The following PTPRK variants were observed in gnomAD, a reference collection of about 807,000 sequenced individuals.
PTPRK encodes protein tyrosine phosphatase receptor type K.
In PTPRK, 75 loss-of-function variants were observed where a neutral mutation model predicts 178.0. That is an observed-to-expected ratio of 0.42 (90% confidence interval 0.35 to 0.51). PTPRK has a LOEUF of 0.51. Ranked by LOEUF, PTPRK falls within the 20% of genes least tolerant of loss-of-function variation. The pLI is 0.02. For missense variants in PTPRK, 1,441 were observed against 1,797.8 expected (o/e 0.80, Z 3.59); for synonymous variants, 637 against 620.6 (o/e 1.03, Z -0.39).
At chr6:128,375,472 G>T (rs917419587) in intron 2 of PTPRK, among the ~76,000 whole-genome samples, 5 of 151,748 alleles carry the variant, frequency 3.3e-5, no homozygotes, top group Non-Finnish European at 7.4e-5. Context: ...GGAAAGACCT[G>T]CCCTATGATT....
rs941559452 is a variant in PTPRK, at chr6:128,195,348, C to A, written c.869-10623G>T. Among the ~76,000 whole-genome samples, 3 of 151,960 alleles carry A rather than the reference C, an allele frequency of 2.0e-5. No individual in the cohort carries two copies. In the East Asian group the frequency reaches 5.8e-4, roughly 29 times the overall value. ...ATCATTTCAAGTCAATACCAAATAA[C>A]GAAGTCAATATTAAGCACATGAAAC... On this transcript the variant is annotated intron_variant, in intron 6 of 29. Transcript: ENST00000368226.
chr6:128,464,644 T>TAC (rs1255950931), intron 1 of PTPRK, among the ~76,000 whole-genome samples: 20 of 84,366 alleles, frequency 2.4e-4, no homozygotes, highest in Non-Finnish European at 4.6e-4. Flanking sequence ...TACACATATA[T>TAC]ATATATATAT....
At chr6:128,011,676 T>C (rs1349554263) in intron 13 of PTPRK, among the ~76,000 whole-genome samples, 1 of 151,046 alleles carries the variant, frequency 6.6e-6, no homozygotes, top group Non-Finnish European at 1.5e-5. Context: ...GACATGAGGG[T>C]GATGGGTAAA....
intron 6 of PTPRK, among the ~76,000 whole-genome samples, chr6:128,216,482 C>A (rs2128269740): frequency 6.6e-6 from 1 of 151,420 alleles, no homozygotes; most frequent in South Asian, 2.1e-4. Context: ...GGGCAGTAAG[C>A]CGAGATCCTG....
chr6:128,362,449 C>T (rs1438257724), intron 2 of PTPRK, among the ~76,000 whole-genome samples: 3 of 152,140 alleles, frequency 2.0e-5, no homozygotes, highest in Non-Finnish European at 4.4e-5. Context: ...GTGTACTCAA[C>T]TTGTCTTTAA....
chr6:128,012,311 A>G (rs1254709226), intron 13 of PTPRK, among the ~76,000 whole-genome samples: 1 of 151,240 alleles, frequency 6.6e-6, no homozygotes, highest in Non-Finnish European at 1.5e-5. Flanking sequence ...TAAATATCCT[A>G]TTTAAAATCA....
chr6:127,997,980 C>T (rs535745568), intron 16 of PTPRK, among the ~76,000 whole-genome samples: 1 of 152,196 alleles, frequency 6.6e-6, no homozygotes, highest in South Asian at 2.1e-4. Flanking sequence ...GGGTAGTGGA[C>T]TGGCTTCCTT....
At chr6:128,449,982 C>T (rs1026241499) in intron 1 of PTPRK, among the ~76,000 whole-genome samples, 10 of 151,680 alleles carry the variant, frequency 6.6e-5, no homozygotes, top group African/African-American at 2.4e-4. Context: ...ATGGCACACG[C>T]CTGTTATTTC....
intron 13 of PTPRK, among the ~76,000 whole-genome samples, chr6:128,023,237 C>G (rs1362115057): frequency 2.0e-5 from 3 of 152,154 alleles, no homozygotes; most frequent in Non-Finnish European, 4.4e-5. Flanking sequence ...CAAATCTTAG[C>G]TGACGAGTGA....
intron 5 of PTPRK, among the ~76,000 whole-genome samples, chr6:128,221,902 C>G (rs932769819): frequency 6.6e-6 from 1 of 152,162 alleles, no homozygotes; most frequent in East Asian, 1.9e-4. Flanking sequence ...ATTATACATG[C>G]AAACCTCAGA....
At chr6:128,387,387 T>A (rs1838895876) in intron 2 of PTPRK, among the ~76,000 whole-genome samples, 1 of 152,194 alleles carries the variant, frequency 6.6e-6, no homozygotes, top group African/African-American at 2.4e-5. Context: ...CAAACAAATT[T>A]TGTCTAGTAC....
chr6:128,341,855 T>C (rs1831707191), intron 2 of PTPRK, among the ~76,000 whole-genome samples: 1 of 152,226 alleles, frequency 6.6e-6, no homozygotes, highest in Admixed American at 6.5e-5. Flanking sequence ...ATATTTGCAT[T>C]CCTACAGCTC....
intron 13 of PTPRK, among the ~76,000 whole-genome samples, chr6:128,055,989 TC>T (rs1277097670): frequency 2.0e-5 from 3 of 149,964 alleles, no homozygotes; most frequent in African/African-American, 7.4e-5. Flanking sequence ...CTTTTTCTTT[TC>T]TTTTTTTTTT....
At chr6:128,421,110 A>G (rs1438394396) in intron 1 of PTPRK, among the ~76,000 whole-genome samples, 1 of 152,220 alleles carries the variant, frequency 6.6e-6, no homozygotes, top group Non-Finnish European at 1.5e-5. Context: ...ATCAAATCTG[A>G]CAGATATATT....
intron 25 of PTPRK, among the ~76,000 whole-genome samples, chr6:127,980,265 G>T (rs188950931): frequency 1.9e-3 from 289 of 152,192 alleles, no homozygotes; most frequent in Admixed American, 4.8e-3. Context: ...AGCCGAGATT[G>T]TGCCATTGCA....
chr6:128,249,027 GAGA>G (rs1202109670), intron 3 of PTPRK, among the ~76,000 whole-genome samples: 1 of 152,072 alleles, frequency 6.6e-6, no homozygotes, highest in Non-Finnish European at 1.5e-5. Context: ...AAGAGGAAAT[GAGA>G]AGATGCATAA....
chr6:128,470,259 C>CATATATATAT (rs34303350), intron 1 of PTPRK, among the ~76,000 whole-genome samples: 9 of 147,810 alleles, frequency 6.1e-5, no homozygotes, highest in African/African-American at 2.0e-4. Flanking sequence ...TCTCAGTTTT[C>CATATATATAT]ATATATATAT....
intron 15 of PTPRK, among the ~76,000 whole-genome samples, chr6:127,999,425 A>G (rs922245915): frequency 1.3e-5 from 2 of 152,054 alleles, no homozygotes; most frequent in Non-Finnish European, 2.9e-5. Context: ...ACTGGGAAAC[A>G]TGGGCATTCC....
chr6:128,222,486 T>A (rs1355072364), intron 5 of PTPRK, among the ~76,000 whole-genome samples: 2 of 152,154 alleles, frequency 1.3e-5, no homozygotes, highest in Admixed American at 1.3e-4. Context: ...CCCAGTCCTG[T>A]GAATATTCCC....
Sources: allele counts gnomAD v4.1 joint callset (sites outside exome capture counted in the v4.1 genomes callset), GRCh38; gene constraint gnomAD v4.1.1; transcripts MANE v1.5; gene names NCBI Gene and HGNC (gene_info 2026-07-23, HGNC 2026-07-21).